Variants in NRP1 observed in about 807,000 individuals in gnomAD.
The protein encoded by NRP1 is neuropilin 1.
NRP1 carries 35 observed loss-of-function variants against 106.7 expected under a neutral mutation model. That is an observed-to-expected ratio of 0.33 (90% CI 0.25 to 0.43). The LOEUF is 0.43. NRP1 is among the 20% of genes least tolerant of loss of function. The pLI, the probability that NRP1 is intolerant of heterozygous loss-of-function variation, is 1.00. For synonymous variants in NRP1, 437 were observed against 417.9 expected, an observed-to-expected ratio of 1.05 and a Z score of -0.56; for missense variants, 1,024 against 1,170.4, an observed-to-expected ratio of 0.87 and a Z score of 1.83.
chr10:33,269,069 T>C (rs953536766), intron 3 of NRP1, among the ~76,000 whole-genome samples: 3 of 152,168 alleles, frequency 2.0e-5, no homozygotes, highest in Admixed American at 6.5e-5. Flanking sequence ...TAGTTAGTTT[T>C]TTTTCTATCG....
At chr10:33,302,469 T>C (rs1314021010) in intron 2 of NRP1, among the ~76,000 whole-genome samples, 1 of 152,234 alleles carries the variant, frequency 6.6e-6, no homozygotes, top group Non-Finnish European at 1.5e-5. Flanking sequence ...AAAAGATGGC[T>C]ATTGGATAAG....
chr10:33,290,570 C>T (rs1030603630), intron 2 of NRP1, among the ~76,000 whole-genome samples: 16 of 152,068 alleles, frequency 1.1e-4, no homozygotes, highest in Non-Finnish European at 2.9e-5. Flanking sequence ...AAACTCAGTG[C>T]CATTATGAAA....
chr10:33,228,282 GAA>G (rs1377118621), intron 6 of NRP1, among the ~76,000 whole-genome samples: 1 of 152,124 alleles, frequency 6.6e-6, no homozygotes, highest in Non-Finnish European at 1.5e-5. Flanking sequence ...TGAGGCAGTA[GAA>G]TCTCCTGAAC....
intron 8 of NRP1, 82 bp downstream of exon 8, chr10:33,221,637 C>A: frequency 7.2e-7 from 1 of 1,388,204 alleles, no homozygotes; most frequent in Non-Finnish European, 1.0e-6. Context: ...AACTTATTTA[C>A]CCTGTATTTA....
At chr10:33,330,940 C>T in intron 1 of NRP1, 58 bp from the exon 2 acceptor site, 2 of 1,413,202 alleles carry the variant, frequency 1.4e-6, no homozygotes, top group Non-Finnish European at 1.9e-6. Flanking sequence ...GGTAATCTAG[C>T]TTTATATGTA....
At chr10:33,224,352 A>G (rs1839490610) in intron 7 of NRP1, among the ~76,000 whole-genome samples, 2 of 152,064 alleles carry the variant, frequency 1.3e-5, no homozygotes, top group Admixed American at 6.5e-5. Flanking sequence ...GCAAACAACC[A>G]GTGGACAACA....
intron 1 of NRP1, 109 bp downstream of exon 1, chr10:33,334,201 A>G: frequency 1.1e-6 from 1 of 930,286 alleles, no homozygotes; most frequent in Non-Finnish European, 1.6e-6. Context: ...TTCGCCCGGG[A>G]GTCGGTTGTT....
chr10:33,203,180 C>T (rs1448052776), intron 10 of NRP1, among the ~76,000 whole-genome samples, 185 bp from the exon 11 acceptor site: 1 of 152,198 alleles, frequency 6.6e-6, no homozygotes, highest in Admixed American at 6.5e-5. Context: ...ATAGCAGAGG[C>T]TGCTTTGTTT....
chr10:33,311,198 C>T (rs932328788), intron 2 of NRP1, among the ~76,000 whole-genome samples: 49 of 152,300 alleles, frequency 3.2e-4, no homozygotes, highest in African/African-American at 1.2e-3. Context: ...CAAGAGTATT[C>T]CAGCTGATGG....
rs566397060 is a variant in NRP1, at chr10:33,256,553, C to T, written c.659-82G>A. The T allele has an allele frequency of 9.2e-5, 135 of 1,475,022 alleles. 2 individuals are homozygous for T. Among genetic ancestry groups the T allele is most frequent in the Non-Finnish European group, 1.2e-4 (130 of 1,066,800 alleles). The allele number at this position is 1,475,022 out of a possible 1,614,324, so 91.4% of individuals were successfully genotyped here. On this transcript the variant is annotated intron_variant, in intron 4 of 16. Coordinates refer to ENST00000374867, the MANE Select transcript of NRP1 (RefSeq NM_003873.7). Reference sequence around the variant, plus strand: ...AAGAATTAGCATTTACAAAGATGGGCCCCAGTAGAACCCAGAAGTGTTTTC... The same window carrying T: ...AAGAATTAGCATTTACAAAGATGGGTCCCAGTAGAACCCAGAAGTGTTTTC...
At chr10:33,251,972 G>A (rs1185872348) in intron 6 of NRP1, among the ~76,000 whole-genome samples, 1 of 152,088 alleles carries the variant, frequency 6.6e-6, no homozygotes, top group Non-Finnish European at 1.5e-5. Flanking sequence ...GTGAAGACAG[G>A]TACTCCTGCT....
intron 11 of NRP1, among the ~76,000 whole-genome samples, chr10:33,199,015 C>T (rs1837012100): frequency 6.6e-6 from 1 of 152,078 alleles, no homozygotes; most frequent in South Asian, 2.1e-4. Context: ...CTTAGCTTTA[C>T]CCTCTCTTCC....
At chr10:33,249,420 G>C (rs747082525) in intron 6 of NRP1, 2 of 519,376 alleles carry the variant, frequency 3.9e-6, no homozygotes, top group Middle Eastern at 3.2e-4. Context: ...TGGAGTGAAG[G>C]CTACGTTATT....
At chr10:33,265,632 T>C (rs565762418) in intron 3 of NRP1, among the ~76,000 whole-genome samples, 7 of 152,292 alleles carry the variant, frequency 4.6e-5, no homozygotes, top group South Asian at 2.1e-4. Context: ...CATGGATCCA[T>C]GGCATTGCAG....
At chr10:33,284,099 A>G (rs1379813831) in intron 2 of NRP1, among the ~76,000 whole-genome samples, 1 of 151,752 alleles carries the variant, frequency 6.6e-6, no homozygotes, top group Non-Finnish European at 1.5e-5. Flanking sequence ...AGAAAGGTAT[A>G]AAAAATTCCC....
At chr10:33,249,421 C>G (rs1364299092) in intron 6 of NRP1, 1 of 519,570 alleles carries the variant, frequency 1.9e-6, no homozygotes, top group Non-Finnish European at 3.9e-6. Flanking sequence ...GGAGTGAAGG[C>G]TACGTTATTT....
intron 6 of NRP1, among the ~76,000 whole-genome samples, chr10:33,227,995 G>T (rs1327067240): frequency 6.6e-6 from 1 of 151,128 alleles, no homozygotes; most frequent in East Asian, 2.0e-4. Flanking sequence ...CTTATTACCA[G>T]CATTAATAAC....
At chr10:33,305,235 T>C (rs1846065012) in intron 2 of NRP1, among the ~76,000 whole-genome samples, 1 of 152,250 alleles carries the variant, frequency 6.6e-6, no homozygotes, top group East Asian at 1.9e-4. Flanking sequence ...TAAAAAATTT[T>C]TGTGCACCTT....
chr10:33,184,380 C>G (rs1351806746), intron 15 of NRP1, among the ~76,000 whole-genome samples: 1 of 152,180 alleles, frequency 6.6e-6, no homozygotes. Context: ...TCAGTTAGAA[C>G]TTGTTGAACC....
Sources: gnomAD v4.1 joint callset for allele counts (sites outside exome capture counted in the v4.1 genomes callset) on GRCh38, gnomAD v4.1.1 for gene constraint, MANE v1.5 for transcripts, NCBI Gene and HGNC (gene_info 2026-07-23, HGNC 2026-07-21) for gene names.